The following PRPF18 variants were observed in gnomAD, a reference collection of about 807,000 sequenced individuals.
The protein encoded by PRPF18 is pre-mRNA processing factor 18.
Under a neutral mutation model 46.5 loss-of-function variants are expected in PRPF18, and 38 were observed. The observed-to-expected ratio is 0.82, with a 90% confidence interval of 0.63 to 1.07. PRPF18 has a LOEUF of 1.07. PRPF18 is among the 50% of genes least tolerant of loss of function. PRPF18 has a pLI of 0.00. For synonymous variants in PRPF18, 152 were observed against 146.7 expected (o/e 1.04, Z -0.26); for missense variants, 263 against 410.0 (o/e 0.64, Z 3.10).
At chr10:13,620,418 G>A (rs1013281662) in intron 9 of PRPF18, among the ~76,000 whole-genome samples, 5 of 152,126 alleles carry the variant, frequency 3.3e-5, no homozygotes, top group African/African-American at 1.2e-4. Flanking sequence ...TTTAAATTGC[G>A]GTATAAAATG....
At chr10:13,621,089 A>C (rs761949218) in intron 9 of PRPF18, among the ~76,000 whole-genome samples, 3 of 152,248 alleles carry the variant, frequency 2.0e-5, no homozygotes, top group Non-Finnish European at 4.4e-5. Flanking sequence ...TTATAATTCA[A>C]TCATTCCCAG....
chr10:13,628,823 A>G (rs1026055096), intron 9 of PRPF18, among the ~76,000 whole-genome samples: 3 of 152,254 alleles, frequency 2.0e-5, no homozygotes, highest in African/African-American at 4.8e-5. Context: ...TGAATTGCAC[A>G]GTGAATAGGA....
chr10:13,592,346 G>T lies in PRPF18; in HGVS notation c.67-5112G>T, dbSNP rs146844577. On this transcript the variant is annotated intron_variant, in intron 1 of 9. Coordinates refer to ENST00000378572, the MANE Select transcript of PRPF18 (RefSeq NM_003675.4). ...CATCTTACAAGATGGGGAAGAGCAA[G>T]TCCCTTTGTTTTAATTTTTTAGAAA... 6.2e-4 allele frequency: 181 copies of T among 293,718 alleles called. 4 individuals are homozygous for T. In the East Asian group the frequency reaches 0.011, roughly 18 times the overall value. 18.2% of individuals were successfully genotyped at this position (293,718 alleles called of 1,614,324 possible).
chr10:13,648,181 T>C, the PRPF18 span: 1 of 152,182 alleles, frequency 6.6e-6, no homozygotes, highest in Non-Finnish European at 1.5e-5. Flanking sequence ...TGGATTTTAA[T>C]GAGAGTCCTG....
At chr10:13,631,024 A>C (rs1430783763), downstream of PRPF18, 1 of 152,246 alleles carries the variant, frequency 6.6e-6, no homozygotes, top group Non-Finnish European at 1.5e-5. Context: ...CTAAGTTCAA[A>C]ACAGAATAAC....
chr10:13,655,113 T>G, the PRPF18 span: 1 of 152,476 alleles, frequency 6.6e-6, no homozygotes, highest in Non-Finnish European at 1.5e-5. Context: ...TTTACTGATG[T>G]AGGCAGCATG....
chr10:13,626,391 A>G (rs2080505109), intron 9 of PRPF18, among the ~76,000 whole-genome samples: 1 of 152,204 alleles, frequency 6.6e-6, no homozygotes, highest in Non-Finnish European at 1.5e-5. Context: ...AAACAAAACA[A>G]AAAGGGGAAA....
intron 9 of PRPF18, 104 bp downstream of exon 9, chr10:13,616,657 T>C (rs2080345216): frequency 2.8e-6 from 4 of 1,414,466 alleles, no homozygotes; most frequent in Non-Finnish European, 2.9e-6. Flanking sequence ...AAATAGAACA[T>C]AGCGTGATAG....
At chr10:13,595,330 G>T (rs1165062834) in intron 1 of PRPF18, among the ~76,000 whole-genome samples, 1 of 152,222 alleles carries the variant, frequency 6.6e-6, no homozygotes, top group African/African-American at 2.4e-5. Flanking sequence ...TTGAGACATG[G>T]TCATCAAAGA....
At chr10:13,600,983 G>A (rs940577836) in intron 3 of PRPF18, among the ~76,000 whole-genome samples, 1 of 152,064 alleles carries the variant, frequency 6.6e-6, no homozygotes, top group Non-Finnish European at 1.5e-5. Context: ...GTTTCATCAT[G>A]TTGGCCAGGC....
chr10:13,621,318 A>T (rs987244767), intron 9 of PRPF18, among the ~76,000 whole-genome samples: 1 of 152,198 alleles, frequency 6.6e-6, no homozygotes, highest in African/African-American at 2.4e-5. Flanking sequence ...GGAGCAGGCG[A>T]TGAGAGGGAC....
chr10:13,603,906 A>T (rs547452229), intron 3 of PRPF18, among the ~76,000 whole-genome samples: 112 of 152,364 alleles, frequency 7.4e-4, no homozygotes, highest in Admixed American at 3.3e-3. Flanking sequence ...GAGAAGAATT[A>T]CTAGAGATAT....
the PRPF18 span, chr10:13,653,441 A>C: frequency 6.6e-6 from 1 of 152,332 alleles, no homozygotes; most frequent in Non-Finnish European, 1.5e-5. Context: ...TGGAGGTTGC[A>C]GTGAGCTGAT....
At chr10:13,612,455 A>AT (rs1046881775) in intron 6 of PRPF18, among the ~76,000 whole-genome samples, 74 of 150,032 alleles carry the variant, frequency 4.9e-4, no homozygotes, top group African/African-American at 1.7e-3. Flanking sequence ...TTATTTATTT[A>AT]TTTTTTTAGT....
chr10:13,633,914 C>T (rs1339777123), downstream of PRPF18, among the ~76,000 whole-genome samples: 2 of 152,202 alleles, frequency 1.3e-5, no homozygotes, highest in Admixed American at 6.5e-5. Flanking sequence ...GCTATGGGAA[C>T]ACTGTTATGG....
chr10:13,623,575 T>A (rs976699722), intron 9 of PRPF18, among the ~76,000 whole-genome samples: 1 of 152,186 alleles, frequency 6.6e-6, no homozygotes, highest in African/African-American at 2.4e-5. Flanking sequence ...CAGAAATAAT[T>A]GATTTAACAA....
intron 9 of PRPF18, among the ~76,000 whole-genome samples, chr10:13,629,376 T>C (rs2080559047): frequency 6.6e-6 from 1 of 152,212 alleles, no homozygotes. Flanking sequence ...TATTGTGTAA[T>C]ATTTGGTACA....
intron 1 of PRPF18, among the ~76,000 whole-genome samples, chr10:13,588,883 G>A (rs2079916625): frequency 6.6e-6 from 1 of 152,282 alleles, no homozygotes; most frequent in East Asian, 1.9e-4. Flanking sequence ...AGATCTTGAA[G>A]GACTTTTGTT....
the PRPF18 span, chr10:13,645,167 C>T: frequency 2.0e-5 from 3 of 152,164 alleles, no homozygotes; most frequent in Non-Finnish European, 4.4e-5. Context: ...TCCATCCTTA[C>T]CCTTCTGGTC....
Sources: allele counts gnomAD v4.1 joint callset (sites outside exome capture counted in the v4.1 genomes callset), GRCh38; gene constraint gnomAD v4.1.1; transcripts MANE v1.5; gene names NCBI Gene and HGNC (gene_info 2026-07-23, HGNC 2026-07-21).